The following ANKS1A variants were observed in gnomAD, a reference collection of about 807,000 sequenced individuals.
ANKS1A encodes the protein ankyrin repeat and SAM domain-containing protein 1A.
A neutral mutation model predicts 120.3 loss-of-function variants in ANKS1A; 55 were observed. That is an observed-to-expected ratio of 0.46 (90% CI 0.37 to 0.57). The LOEUF is 0.57. Among genes scored for constraint, ANKS1A ranks in the 20% least tolerant of loss-of-function variants. The pLI, the probability that ANKS1A is intolerant of heterozygous loss-of-function variation, is 0.00. For missense variants in ANKS1A, 1,123 were observed against 1,480.3 expected (o/e 0.76, Z 3.96); for synonymous variants, 590 against 604.7 (o/e 0.98, Z 0.36).
intron 1 of ANKS1A, among the ~76,000 whole-genome samples, chr6:34,957,768 G>A (rs1439058285): frequency 6.6e-6 from 1 of 152,166 alleles, no homozygotes; most frequent in Non-Finnish European, 1.5e-5. Flanking sequence ...GATGCACGCT[G>A]TTTTCTCTAA....
At chr6:34,937,088 G>A (rs1399965034) in intron 1 of ANKS1A, among the ~76,000 whole-genome samples, 1 of 152,080 alleles carries the variant, frequency 6.6e-6, no homozygotes, top group Non-Finnish European at 1.5e-5. Flanking sequence ...TAAAATGCAA[G>A]GGGAATTCAG....
chr6:34,967,303 G>T lies in ANKS1A; in HGVS notation c.262G>T (p.Ala88Ser). 6.2e-7 allele frequency: 1 copy of T among 1,613,636 alleles called. No individual in the cohort carries two copies. Among genetic ancestry groups the T allele is most frequent in the South Asian group, 1.1e-5 (1 of 91,038 alleles). The change falls in exon 2 of 24, where the codon GCT (alanine) becomes TCT (serine). Residue 88 changes from alanine to serine, a missense_variant. Coordinates refer to ENST00000360359, the MANE Select transcript of ANKS1A (RefSeq NM_015245.3). ...STGYTPLHHAALNGHKDVVEV... is the reference protein window; with the variant it reads ...STGYTPLHHASLNGHKDVVEV... ...TGGCTACACACCCCTGCACCATGCT[G>T]CTTTGAATGGCCATAAGTAAGTATC...
intron 8 of ANKS1A, 53 bp downstream of exon 8, chr6:34,985,331 CT>C: frequency 6.4e-7 from 1 of 1,565,924 alleles, no homozygotes; most frequent in Non-Finnish European, 8.7e-7. Context: ...TGGCTGGCCC[CT>C]GAGGTGATGG....
chr6:34,949,902 C>T lies in ANKS1A; in HGVS notation c.198-17337C>T, dbSNP rs565303270. ...TAGAGGCTGAAAAAATCAAGGACCA[C>T]AGGAAGCTTTTTATAAAGGAGGCCA... On this transcript the variant is annotated intron_variant, in intron 1 of 23. Coordinates refer to ENST00000360359, the MANE Select transcript of ANKS1A (RefSeq NM_015245.3). Among the ~76,000 whole-genome samples, 5 of 152,280 alleles carry T rather than the reference C, an allele frequency of 3.3e-5. No individual in the cohort carries two copies. The South Asian group carries it at 1.0e-3, about 32-fold the overall frequency.
chr6:34,964,377 G>T (rs1770793931), intron 1 of ANKS1A, among the ~76,000 whole-genome samples: 1 of 152,148 alleles, frequency 6.6e-6, no homozygotes, highest in Non-Finnish European at 1.5e-5. Context: ...CATCTGCAGT[G>T]CTCCCTAACA....
At chr6:34,920,753 A>C (rs192273962) in intron 1 of ANKS1A, among the ~76,000 whole-genome samples, 2 of 152,312 alleles carry the variant, frequency 1.3e-5, no homozygotes, top group East Asian at 3.9e-4. Context: ...TAAAAGAATG[A>C]TGTAAAGTGC....
chr6:35,083,119 G>A, intron 18 of ANKS1A, 36 bp from the exon 19 acceptor site: 1 of 1,610,870 alleles, frequency 6.2e-7, no homozygotes, highest in Non-Finnish European at 8.5e-7. Flanking sequence ...TGGAAACGCA[G>A]GATTTCCTAA....
rs756940385 is a variant in ANKS1A at position 35,018,067 on chromosome 6, C to G, written c.2010+8C>G. On this transcript the variant is annotated splice_region_variant and intron_variant, in intron 11 of 23. Transcript: ENST00000360359. ...GCCTCGGAGTGGGATGAGGTAAGGCCGACATGACGTCACAGGGAGCTGGGC... is the reference window on the plus strand; with the variant it reads ...GCCTCGGAGTGGGATGAGGTAAGGCGGACATGACGTCACAGGGAGCTGGGC... The G allele has an allele frequency of 6.2e-7, 1 of 1,610,456 alleles. No homozygotes were observed. Among genetic ancestry groups the G allele is most frequent in the Non-Finnish European group, 8.5e-7 (1 of 1,178,144 alleles).
intron 1 of ANKS1A, among the ~76,000 whole-genome samples, chr6:34,958,724 G>A (rs1056733701): frequency 9.9e-5 from 15 of 152,168 alleles, no homozygotes; most frequent in Admixed American, 6.5e-4. Flanking sequence ...TTACTTGCAG[G>A]TGTCCCACTT....
chr6:34,975,809 C>T (rs2127520228), intron 3 of ANKS1A, among the ~76,000 whole-genome samples: 1 of 151,910 alleles, frequency 6.6e-6, no homozygotes, highest in African/African-American at 2.4e-5. Flanking sequence ...TTGGGTTGTG[C>T]TGAGAATGCA....
chr6:34,892,377 C>G (rs1181493313), intron 1 of ANKS1A, among the ~76,000 whole-genome samples: 4 of 152,154 alleles, frequency 2.6e-5, no homozygotes, highest in African/African-American at 9.7e-5. Context: ...CCCTCTCTCC[C>G]CTAAAGACCC....
intron 1 of ANKS1A, among the ~76,000 whole-genome samples, chr6:34,891,857 G>C (rs1418048881): frequency 6.6e-6 from 1 of 152,170 alleles, no homozygotes; most frequent in Non-Finnish European, 1.5e-5. Flanking sequence ...TCAATTTCTT[G>C]ACCTCATGAT....
chr6:35,075,100 G>T (rs1258174153), intron 13 of ANKS1A, among the ~76,000 whole-genome samples: 1 of 152,198 alleles, frequency 6.6e-6, no homozygotes, highest in African/African-American at 2.4e-5. Context: ...TGGACAGCTT[G>T]CTGCCAGGGC....
chr6:34,973,995 GCTTCCC>G (rs1263009100), intron 3 of ANKS1A, among the ~76,000 whole-genome samples: 1 of 30,618 alleles, frequency 3.3e-5, no homozygotes, highest in Non-Finnish European at 5.9e-5. Flanking sequence ...CTTCCCTTGT[GCTTCCC>G]CTTCCCCTTC....
chr6:34,901,108 C>G (rs1232405669), intron 1 of ANKS1A, among the ~76,000 whole-genome samples: 1 of 152,038 alleles, frequency 6.6e-6, no homozygotes, highest in Admixed American at 6.6e-5. Context: ...GACCCATAAG[C>G]TACATAAACT....
chr6:35,011,370 C>T (rs555397763), intron 10 of ANKS1A, among the ~76,000 whole-genome samples: 8 of 152,256 alleles, frequency 5.3e-5, no homozygotes, highest in East Asian at 1.9e-4. Flanking sequence ...GGTTAGAAAT[C>T]GTGGCTGGTT....
At chr6:34,903,076 T>C (rs1767442484) in intron 1 of ANKS1A, among the ~76,000 whole-genome samples, 2 of 152,164 alleles carry the variant, frequency 1.3e-5, no homozygotes, top group African/African-American at 4.8e-5. Context: ...GAGGAATGCA[T>C]TATACCAAAT....
intron 23 of ANKS1A, 53 bp from the exon 24 acceptor site, chr6:35,088,553 C>A: frequency 6.2e-7 from 1 of 1,607,128 alleles, no homozygotes; most frequent in Non-Finnish European, 8.5e-7. Flanking sequence ...CTCCACCGTC[C>A]GCAGGCCCCA....
intron 1 of ANKS1A, among the ~76,000 whole-genome samples, chr6:34,964,719 T>C (rs142982225): frequency 1.3e-5 from 2 of 152,346 alleles, no homozygotes; most frequent in African/African-American, 4.8e-5. Flanking sequence ...TTTGTGCACA[T>C]GTGCAAGTAT....
Sources: gnomAD v4.1 joint callset for allele counts (sites outside exome capture counted in the v4.1 genomes callset) on GRCh38, gnomAD v4.1.1 for gene constraint, MANE v1.5 for transcripts, NCBI Gene and HGNC (gene_info 2026-07-23, HGNC 2026-07-21) for gene names.